The following NADK2 variants were observed in gnomAD, a reference collection of about 807,000 sequenced individuals.
NADK2 encodes NAD kinase 2, mitochondrial.
Under a neutral mutation model 62.1 loss-of-function variants are expected in NADK2, and 35 were observed. That is an observed-to-expected ratio of 0.56 (90% CI 0.43 to 0.75). The LOEUF (loss-of-function observed/expected upper bound fraction) is 0.75, where lower values mean the gene tolerates loss of function less well. NADK2 is among the 30% of genes least tolerant of loss of function. The pLI, the probability that NADK2 is intolerant of heterozygous loss-of-function variation, is 0.00. For missense variants in NADK2, 439 were observed against 561.3 expected (o/e 0.78, Z 2.20); for synonymous variants, 205 against 207.9 (o/e 0.99, Z 0.12).
In NADK2 at chr5:36,193,395, G is replaced by A. The variant is rs1288729467; in HGVS notation, c.*1749C>T. 2.7e-5 allele frequency: 4 copies of A among 147,604 alleles called. No individual in the cohort carries two copies. The highest frequency in any genetic ancestry group is 1.0e-4 in the African/African-American group (4 of 39,390). The allele number at this position is 147,604 out of a possible 1,614,324, so 9.1% of individuals were successfully genotyped here. A position where few individuals can be genotyped will look rare whatever the true frequency, so the allele number is the denominator to read the frequency against. On this transcript the variant is annotated 3_prime_UTR_variant, in exon 12 of 12. Transcript: ENST00000381937. ...GGAGGCTGAGGCAGGAGAATCGCTT[G>A]AACCTGGGAGATGGAGGTTGCAGAG... is the stretch of plus-strand genomic sequence containing the variant.
At chr5:36,219,736 C>T (rs1199404811) in intron 4 of NADK2, 57 bp from the exon 5 acceptor site, 1 of 1,344,212 alleles carries the variant, frequency 7.4e-7, no homozygotes, top group Non-Finnish European at 1.1e-6. Flanking sequence ...AAAGGTGAAG[C>T]AAAAAAATTT....
At chr5:36,207,921 C>CA (rs544321413) in intron 7 of NADK2, among the ~76,000 whole-genome samples, 173 of 152,088 alleles carry the variant, frequency 1.1e-3, no homozygotes, top group African/African-American at 3.9e-3. Context: ...CTGGCACCAG[C>CA]AAAAATGGCA....
At chr5:36,207,932 C>T (rs1746700367) in intron 7 of NADK2, among the ~76,000 whole-genome samples, 1 of 152,030 alleles carries the variant, frequency 6.6e-6, no homozygotes, top group South Asian at 2.1e-4. Context: ...AAAAATGGCA[C>T]TATTCTTTAA....
intron 6 of NADK2, among the ~76,000 whole-genome samples, chr5:36,212,706 T>A (rs546638856): frequency 2.0e-5 from 3 of 152,330 alleles, no homozygotes; most frequent in Admixed American, 6.5e-5. Context: ...TAGGCAAGCA[T>A]CTTGTGACAA....
Position 36,210,374 on chromosome 5 carries a change from T to C in NADK2, c.860+1470A>G, listed in dbSNP as rs928227672. Among the ~76,000 whole-genome samples, 5 of 152,294 alleles carry C rather than the reference T, an allele frequency of 3.3e-5. No individual in the cohort carries two copies. The East Asian group carries it at 9.6e-4, about 29-fold the overall frequency. Reference sequence around the variant, plus strand: ...CCCACAAAACAGCTTCTGCCGGTAATGAAACACACACATTTTTACACTCCT... The same window carrying C: ...CCCACAAAACAGCTTCTGCCGGTAACGAAACACACACATTTTTACACTCCT... On this transcript the variant is annotated intron_variant, in intron 7 of 11. Coordinates refer to ENST00000381937, the MANE Select transcript of NADK2 (RefSeq NM_001085411.3).
Position 36,241,811 on chromosome 5 carries a change from C to A in NADK2, c.-13G>T, listed in dbSNP as rs763489272. The A allele has an allele frequency of 7.6e-7, 1 of 1,308,772 alleles. No individual in the cohort carries two copies. The highest frequency in any genetic ancestry group is 3.8e-5 in the Admixed American group (1 of 26,560). 81.1% of individuals were successfully genotyped at this position (1,308,772 alleles called of 1,614,324 possible). On this transcript the variant is annotated 5_prime_UTR_variant, in exon 1 of 12. Coordinates refer to ENST00000381937, the MANE Select transcript of NADK2 (RefSeq NM_001085411.3). This position sits in a 1 kb window ranked among gnomAD's most constrained non-coding sequence, Gnocchi z 4.9. ...GGTAGCAAGTCATCGTGGGCCGGGC[C>A]GCGGCCGCGGGCTTGGGCTCGGGCC...
intron 4 of NADK2, among the ~76,000 whole-genome samples, chr5:36,222,682 C>T (rs1373156466): frequency 1.3e-5 from 2 of 152,128 alleles, no homozygotes; most frequent in African/African-American, 4.8e-5. Context: ...AAGACTAAGG[C>T]AATGTGTAAA....
intron 8 of NADK2, among the ~76,000 whole-genome samples, chr5:36,201,557 C>T (rs1284411835): frequency 6.6e-6 from 1 of 151,764 alleles, no homozygotes; most frequent in Non-Finnish European, 1.5e-5. Context: ...ATTATAGCTA[C>T]TCATTGATAT....
At chr5:36,233,491 C>G (rs552649939) in intron 1 of NADK2, among the ~76,000 whole-genome samples, 8 of 152,280 alleles carry the variant, frequency 5.3e-5, no homozygotes, top group Non-Finnish European at 1.2e-4. Flanking sequence ...TCCACTCTAC[C>G]TGTTTGGCCT....
At chr5:36,236,554 C>A (rs149222916) in intron 1 of NADK2, among the ~76,000 whole-genome samples, 29 of 152,274 alleles carry the variant, frequency 1.9e-4, no homozygotes, top group Middle Eastern at 3.4e-3. Context: ...GAAAGACAGA[C>A]AGCTGGTAAT....
At chr5:36,227,847 C>CTTT (rs201331621) in intron 1 of NADK2, among the ~76,000 whole-genome samples, 1 of 139,806 alleles carries the variant, frequency 7.2e-6, no homozygotes, top group South Asian at 2.2e-4. Flanking sequence ...TTTTTTATGA[C>CTTT]TTTTTTTTTT....
chr5:36,216,691 TGAATCTGA>T (rs1455379661), intron 6 of NADK2, among the ~76,000 whole-genome samples: 1 of 152,152 alleles, frequency 6.6e-6, no homozygotes, highest in Non-Finnish European at 1.5e-5. Context: ...CTAAACACAG[TGAATCTGA>T]GGAATCTGAG....
Position 36,195,450 on chromosome 5 carries a change from C to T in NADK2, c.1191-168G>A, listed in dbSNP as rs150586111. Among the ~76,000 whole-genome samples, 367 of 152,198 alleles carry T rather than the reference C, an allele frequency of 2.4e-3. 1 individual carries two copies. The highest frequency in any genetic ancestry group is 6.8e-3 in the Middle Eastern group (2 of 294). The stretch of plus-strand genomic sequence containing the variant: ...AAATATATGGGTATATTATGAAGGT[C>T]TCAAAACGTTCAGGATGGCACCATT... On this transcript the variant is annotated intron_variant, in intron 11 of 11. Coordinates refer to ENST00000381937, the MANE Select transcript of NADK2 (RefSeq NM_001085411.3).
intron 1 of NADK2, among the ~76,000 whole-genome samples, chr5:36,235,490 CA>C (rs2112199319): frequency 6.6e-6 from 1 of 152,214 alleles, no homozygotes; most frequent in South Asian, 2.1e-4. Flanking sequence ...ATTTCAAAGC[CA>C]AAGAGACTGA....
chr5:36,208,054 T>G (rs1307670199), intron 7 of NADK2, among the ~76,000 whole-genome samples: 2 of 152,074 alleles, frequency 1.3e-5, no homozygotes, highest in Non-Finnish European at 2.9e-5. Flanking sequence ...AACACTGAAT[T>G]TTTTTCTCCA....
rs901109809 is a variant in NADK2 at position 36,193,947 on chromosome 5, T to C, written c.*1197A>G. ...GTGTTCAATAAATATTTGTCAATGA[T>C]TGAACAGAAATTTTCAGCACCAAAT... On this transcript the variant is annotated 3_prime_UTR_variant, in exon 12 of 12. Transcript: ENST00000381937. 1 of 152,596 alleles carries C rather than the reference T, an allele frequency of 6.6e-6. No homozygotes were observed. The highest frequency in any genetic ancestry group is 1.5e-5 in the Non-Finnish European group (1 of 68,034). 9.5% of individuals were successfully genotyped at this position (152,596 alleles called of 1,614,324 possible).
chr5:36,240,652 T>G (rs943794515), intron 1 of NADK2, among the ~76,000 whole-genome samples: 5 of 152,148 alleles, frequency 3.3e-5, no homozygotes, highest in African/African-American at 1.2e-4. Flanking sequence ...TGGGGGGGGA[T>G]GACAACAGGA....
intron 4 of NADK2, among the ~76,000 whole-genome samples, chr5:36,220,359 A>G (rs1165989439): frequency 2.0e-5 from 3 of 152,148 alleles, no homozygotes; most frequent in Admixed American, 1.3e-4. Flanking sequence ...AAGATTGCCT[A>G]TTGGTTGGTG....
chr5:36,213,034 C>T (rs967329010), intron 6 of NADK2: 20 of 152,212 alleles, frequency 1.3e-4, no homozygotes, highest in African/African-American at 4.8e-4. Flanking sequence ...GAAGAGATAA[C>T]ATGAACAACC....
Sources: gnomAD v4.1 joint callset for allele counts (sites outside exome capture counted in the v4.1 genomes callset) on GRCh38, gnomAD v4.1.1 for gene constraint, Gnocchi (gnomAD v3.1) non-coding constraint, MANE v1.5 for transcripts, NCBI Gene and HGNC (gene_info 2026-07-23, HGNC 2026-07-21) for gene names.